PLXNA4: variants seen among roughly 807,000 people sequenced by gnomAD.
PLXNA4 encodes plexin A4, also known as plexin-A4.
In PLXNA4, 44 loss-of-function variants were observed where a neutral mutation model predicts 191.8. That is an observed-to-expected ratio of 0.23 (90% CI 0.18 to 0.29). The LOEUF is 0.29. PLXNA4 is among the 10% of genes least tolerant of loss of function. The probability of loss-of-function intolerance (pLI) is 1.00; values close to 1 mark genes in which losing one functional copy is unlikely to be tolerated. For missense variants in PLXNA4, 1,800 were observed against 2,488.8 expected, an observed-to-expected ratio of 0.72 and a Z score of 5.89; for synonymous variants, 1,082 against 1,009.5, an observed-to-expected ratio of 1.07 and a Z score of -1.36.
chr7:132,162,671 C>CCT (rs143487811), intron 24 of PLXNA4, among the ~76,000 whole-genome samples: 4 of 151,816 alleles, frequency 2.6e-5, no homozygotes, highest in South Asian at 2.1e-4. Flanking sequence ...TTAATCGGAG[C>CCT]CTCTCTCTCT....
chr7:132,413,784 T>G (rs1459868640), intron 3 of PLXNA4, among the ~76,000 whole-genome samples: 1 of 152,206 alleles, frequency 6.6e-6, no homozygotes, highest in Non-Finnish European at 1.5e-5. Flanking sequence ...TTATGGAATC[T>G]ACATAGAGAT....
intron 8 of PLXNA4, 99 bp from the exon 9 acceptor site, chr7:132,223,740 A>T (rs1798220056): frequency 1.1e-6 from 1 of 895,538 alleles, no homozygotes; most frequent in Non-Finnish European, 1.8e-6. Context: ...TTTAGTATTA[A>T]GAGAAACCAC....
chr7:132,264,561 A>G (rs943316987), intron 4 of PLXNA4, among the ~76,000 whole-genome samples: 24 of 152,008 alleles, frequency 1.6e-4, no homozygotes, highest in Non-Finnish European at 5.9e-5. Context: ...TGCTATACAC[A>G]GGGCGAGCTG....
intron 2 of PLXNA4, among the ~76,000 whole-genome samples, chr7:132,494,901 C>G (rs1797948335): frequency 1.3e-5 from 2 of 152,156 alleles, no homozygotes; most frequent in South Asian, 4.1e-4. Context: ...CCCAAGGACC[C>G]CAGAAGTGCC....
chr7:132,168,510 G>A lies in PLXNA4; in HGVS notation c.4080C>T (p.Asn1360=). 6.2e-7 allele frequency: 1 copy of A among 1,613,244 alleles called. No homozygotes were observed. The highest frequency in any genetic ancestry group is 8.5e-7 in the Non-Finnish European group (1 of 1,179,432). The change falls in exon 22 of 32, where the codon AAC becomes AAT. Residue 1360 remains asparagine (N), a synonymous_variant. Coordinates refer to ENST00000321063, the MANE Select transcript of PLXNA4 (RefSeq NM_020911.2). ...TGAAGGACAGCAGGAACACCTTGTT[G>A]TTGATGAGCTGGGCGAAGAGCTTCA... is the stretch of plus-strand genomic sequence containing the variant. The part of the protein sequence containing the change: ...KGLKLFAQLI[N]NKVFLLSFIR...
intron 3 of PLXNA4, among the ~76,000 whole-genome samples, chr7:132,376,401 A>G (rs1585052810): frequency 6.6e-6 from 1 of 152,164 alleles, no homozygotes; most frequent in African/African-American, 2.4e-5. Flanking sequence ...CTGCATCCCA[A>G]TTAAGTATCT....
rs989373525 is a variant in PLXNA4 at position 132,386,627 on chromosome 7, G to A, written c.1372-88405C>T. Among the ~76,000 whole-genome samples, 23 of 152,284 alleles carry A rather than the reference G, an allele frequency of 1.5e-4. No homozygotes were observed. The East Asian group carries it at 2.7e-3, about 18-fold the overall frequency. Reference sequence around the variant, plus strand: ...CAGAGGCTCTCTGGCTGCCTCTCTCGTTAGTCAGCCTTTCCTGGCATACCC... The same window carrying A: ...CAGAGGCTCTCTGGCTGCCTCTCTCATTAGTCAGCCTTTCCTGGCATACCC... On this transcript the variant is annotated intron_variant, in intron 3 of 31. Coordinates refer to ENST00000321063, the MANE Select transcript of PLXNA4 (RefSeq NM_020911.2).
chr7:132,325,916 C>T (rs533612816), intron 3 of PLXNA4, among the ~76,000 whole-genome samples: 1 of 152,292 alleles, frequency 6.6e-6, no homozygotes, highest in African/African-American at 2.4e-5. Context: ...AAAGCCAGGA[C>T]ACAGTAGCCC....
chr7:132,571,931 G>A (rs1045726967), intron 1 of PLXNA4, among the ~76,000 whole-genome samples: 1 of 152,092 alleles, frequency 6.6e-6, no homozygotes, highest in African/African-American at 2.4e-5. Flanking sequence ...AATGATCCAT[G>A]CAATTTTATA....
chr7:132,313,434 C>A (rs569149622), intron 3 of PLXNA4, among the ~76,000 whole-genome samples: 2 of 152,188 alleles, frequency 1.3e-5, no homozygotes, highest in South Asian at 4.2e-4. Context: ...TGATTCTTAT[C>A]TTGGTCTAGC....
At chr7:132,238,685 T>C (rs1005768619) in intron 5 of PLXNA4, among the ~76,000 whole-genome samples, 19 of 152,170 alleles carry the variant, frequency 1.2e-4, no homozygotes, top group Non-Finnish European at 2.5e-4. Context: ...GGTGCCAGAC[T>C]AAAGGGGTGA....
chr7:132,468,900 G>A (rs1298820503), intron 3 of PLXNA4, among the ~76,000 whole-genome samples: 4 of 151,964 alleles, frequency 2.6e-5, no homozygotes, highest in Non-Finnish European at 5.9e-5. Flanking sequence ...TGGGGTGAGC[G>A]TCTAGGAATT....
chr7:132,586,596 C>G lies in PLXNA4; in HGVS notation c.-87+59332G>C, dbSNP rs541138153. 2.6e-5 allele frequency among the ~76,000 whole-genome samples: 4 copies of G among 152,212 alleles called. No homozygotes were observed. In the East Asian group the frequency reaches 7.8e-4, roughly 30 times the overall value. ...TGAAGCCCCTTCTGTACTAAAAATA[C>G]AAAACAATTAGCCGGGCATCGTGGT... On this transcript the variant is annotated intron_variant, in intron 2 of 4. Coordinates refer to the PLXNA4 transcript ENST00000378539.
At chr7:132,536,514 T>A (rs1017385328) in intron 1 of PLXNA4, among the ~76,000 whole-genome samples, 1 of 152,180 alleles carries the variant, frequency 6.6e-6, no homozygotes, top group Admixed American at 6.5e-5. Flanking sequence ...GAACAAGGCT[T>A]CCTTCAGCCC....
At chr7:132,202,110 G>T (rs1486671514) in intron 12 of PLXNA4, among the ~76,000 whole-genome samples, 4 of 152,178 alleles carry the variant, frequency 2.6e-5, no homozygotes, top group African/African-American at 9.7e-5. Flanking sequence ...TCTTCACCGT[G>T]TTCCTCCCCC....
At position 132,129,018 on chromosome 7, in the gene PLXNA4, C is replaced by T. The variant is rs1794854626; in HGVS notation, c.*1461G>A. 1 of 152,256 alleles carries T rather than the reference C, an allele frequency of 6.6e-6. No individual in the cohort carries two copies. Among genetic ancestry groups the T allele is most frequent in the African/African-American group, 2.4e-5 (1 of 41,470 alleles). The allele number at this position is 152,256 out of a possible 1,614,324, so 9.4% of individuals were successfully genotyped here. ...CTTACCTAGTATCAATTTCTAGGCA[C>T]ACATTTGCCTGCCTGGCTAAAATCG... On this transcript the variant is annotated 3_prime_UTR_variant, in exon 32 of 32. Coordinates refer to ENST00000321063, the MANE Select transcript of PLXNA4 (RefSeq NM_020911.2).
At chr7:132,424,349 T>C (rs962310733) in intron 3 of PLXNA4, among the ~76,000 whole-genome samples, 1 of 152,192 alleles carries the variant, frequency 6.6e-6, no homozygotes, top group Non-Finnish European at 1.5e-5. Flanking sequence ...ATATACTCTA[T>C]GGCTGAAGGG....
intron 3 of PLXNA4, among the ~76,000 whole-genome samples, chr7:132,332,483 T>C (rs1272943199): frequency 6.6e-6 from 1 of 152,150 alleles, no homozygotes; most frequent in Non-Finnish European, 1.5e-5. Context: ...GGGAATCATC[T>C]ATGGGAAGTT....
chr7:132,443,047 C>A (rs1446562751), intron 3 of PLXNA4, among the ~76,000 whole-genome samples: 1 of 152,174 alleles, frequency 6.6e-6, no homozygotes, highest in East Asian at 1.9e-4. Context: ...ACGAAGGAGA[C>A]CAACCAACCG....
Sources: gnomAD v4.1 joint callset for allele counts (sites outside exome capture counted in the v4.1 genomes callset) on GRCh38, gnomAD v4.1.1 for gene constraint, MANE v1.5 for transcripts, NCBI Gene and HGNC (gene_info 2026-07-23, HGNC 2026-07-21) for gene names.